The following VGLL4 variants were observed in gnomAD, a reference collection of about 807,000 sequenced individuals.
VGLL4 encodes transcription cofactor vestigial-like protein 4.
Under a neutral mutation model 21.0 loss-of-function variants are expected in VGLL4, and 7 were observed. The observed-to-expected ratio is 0.33, with a 90% CI of 0.19 to 0.63. The LOEUF (loss-of-function observed/expected upper bound fraction) is 0.63, where lower values mean the gene tolerates loss of function less well. VGLL4 is among the 20% of genes least tolerant of loss of function. The pLI, the probability that VGLL4 is intolerant of heterozygous loss-of-function variation, is 0.78. For missense variants in VGLL4, 394 were observed against 425.7 expected (o/e 0.93, Z 0.66); for synonymous variants, 222 against 173.2 (o/e 1.28, Z -2.21).
chr3:11,667,413 G>A (rs2076142132), intron 2 of VGLL4, among the ~76,000 whole-genome samples: 1 of 151,988 alleles, frequency 6.6e-6, no homozygotes, highest in African/African-American at 2.4e-5. Context: ...TTTATATTAC[G>A]TACCTTTATA....
At chr3:11,628,879 A>C (rs990895438) in intron 1 of VGLL4, among the ~76,000 whole-genome samples, 8 of 152,196 alleles carry the variant, frequency 5.3e-5, no homozygotes, top group South Asian at 2.1e-4. Context: ...TTTAAATATG[A>C]GATACTACTT....
At chr3:11,690,818 A>AT (rs1231173537) in intron 2 of VGLL4, among the ~76,000 whole-genome samples, 2 of 152,144 alleles carry the variant, frequency 1.3e-5, no homozygotes, top group Non-Finnish European at 2.9e-5. Flanking sequence ...ATTAAGTTTG[A>AT]TTTTTTCAAG....
At chr3:11,666,107 C>T (rs991393316) in intron 2 of VGLL4, among the ~76,000 whole-genome samples, 1 of 152,102 alleles carries the variant, frequency 6.6e-6, no homozygotes, top group African/African-American at 2.4e-5. Context: ...AAAAAATTAG[C>T]CAGGCATGGT....
intron 2 of VGLL4, among the ~76,000 whole-genome samples, chr3:11,685,798 G>C (rs1470159671): frequency 2.0e-5 from 3 of 152,064 alleles, no homozygotes; most frequent in Non-Finnish European, 4.4e-5. Context: ...GCGGTGGTGA[G>C]CTATGATCAC....
In VGLL4 at chr3:11,568,629, C is replaced by A; in HGVS notation, c.273-3610G>T. The A allele has an allele frequency of 6.4e-7, 1 of 1,569,720 alleles. No homozygotes were observed. Among genetic ancestry groups the A allele is most frequent in the East Asian group, 2.3e-5 (1 of 42,800 alleles). On this transcript the variant is annotated intron_variant, in intron 2 of 4. Transcript: ENST00000430365. The surrounding 1 kb of genome is among the most constrained non-coding windows in gnomAD (Gnocchi z 5.9). ...CATTTCCAGCTCATTTTCCTGGTTCCCGGAGCTTCAAGACAGACATTGTTT... is the reference window on the plus strand; with the variant it reads ...CATTTCCAGCTCATTTTCCTGGTTCACGGAGCTTCAAGACAGACATTGTTT...
intron 1 of VGLL4, among the ~76,000 whole-genome samples, chr3:11,720,090 A>G (rs1420048345): frequency 6.6e-6 from 1 of 151,710 alleles, no homozygotes; most frequent in Non-Finnish European, 1.5e-5. Flanking sequence ...GGGACAGCGC[A>G]CGGGACGCCG....
At chr3:11,578,187 G>C (rs2074110820) in intron 2 of VGLL4, among the ~76,000 whole-genome samples, 1 of 152,234 alleles carries the variant, frequency 6.6e-6, no homozygotes. Flanking sequence ...CAAGATGCCA[G>C]TAGGCACTTC....
chr3:11,631,287 A>T (rs2075471542), intron 1 of VGLL4, among the ~76,000 whole-genome samples: 3 of 152,184 alleles, frequency 2.0e-5, no homozygotes. Context: ...AGTCAGCCCC[A>T]ATCAAAAAGA....
intron 1 of VGLL4, among the ~76,000 whole-genome samples, chr3:11,642,169 A>G (rs2075705119): frequency 6.6e-6 from 1 of 152,226 alleles, no homozygotes; most frequent in Non-Finnish European, 1.5e-5. Context: ...TTAACACATC[A>G]GATGCAAAGA....
Position 11,670,317 on chromosome 3 carries a change from G to A in VGLL4, c.64+32654C>T, listed in dbSNP as rs541721861. On this transcript the variant is annotated intron_variant, in intron 2 of 5. Transcript: ENST00000273038. ...GAAAACCTTTGTCCTAATCCCAAAC[G>A]TTATGACCTCAGGAAAGTACTTCTA... Among the ~76,000 whole-genome samples the A allele has an allele frequency of 1.2e-4, 18 of 152,228 alleles. No individual in the cohort carries two copies. The Middle Eastern group carries it at 0.01, about 86-fold the overall frequency.
At chr3:11,639,290 T>A (rs919089210) in intron 1 of VGLL4, among the ~76,000 whole-genome samples, 1 of 152,198 alleles carries the variant, frequency 6.6e-6, no homozygotes, top group Non-Finnish European at 1.5e-5. Context: ...GGAGCTGGCA[T>A]CCACGCAGGC....
At chr3:11,689,389 C>T (rs1465856881) in intron 2 of VGLL4, among the ~76,000 whole-genome samples, 1 of 152,148 alleles carries the variant, frequency 6.6e-6, no homozygotes, top group Non-Finnish European at 1.5e-5. Context: ...TTCCAGACCG[C>T]TAATTTGGTC....
At chr3:11,613,554 T>G (rs1035095978) in intron 1 of VGLL4, among the ~76,000 whole-genome samples, 4 of 152,200 alleles carry the variant, frequency 2.6e-5, no homozygotes, top group African/African-American at 9.7e-5. Context: ...TCCCGGGTAC[T>G]GTTCTGGGAG....
rs2075740500 is a variant in VGLL4, at chr3:11,643,720, A to G, written c.-202T>C. On this transcript the variant is annotated 5_prime_UTR_variant, in exon 1 of 5. Transcript: ENST00000430365. ...AAATCGAGCTCACACGAAACCCTTC[A>G]AGGGCTTACTGGTAGACGGTGTATG... 12 of 1,408,504 alleles carry G rather than the reference A, an allele frequency of 8.5e-6. No homozygotes were observed. In the South Asian group the frequency reaches 1.7e-4, roughly 20 times the overall value. 87.3% of individuals were successfully genotyped at this position (1,408,504 alleles called of 1,614,324 possible). A position where few individuals can be genotyped will look rare whatever the true frequency, so the allele number is the denominator to read the frequency against.
rs2072546313 is a variant in VGLL4 at position 11,557,465 on chromosome 3, AATG to A, written c.*1088_*1090del. The stretch of plus-strand genomic sequence containing the variant: ...CAAAGCAGACAGGGATGCAAAAATA[AATG>A]ATGTCAGCCTGCAGCCAAACTCCAG... On this transcript the variant is annotated 3_prime_UTR_variant, in exon 5 of 5. Coordinates refer to ENST00000430365, the MANE Select transcript of VGLL4 (RefSeq NM_001128219.3). 1 of 152,514 alleles carries A rather than the reference AATG, an allele frequency of 6.6e-6. No individual in the cohort carries two copies. Among genetic ancestry groups the A allele is most frequent in the South Asian group, 2.1e-4 (1 of 4,834 alleles). 9.4% of individuals were successfully genotyped at this position (152,514 alleles called of 1,614,324 possible). A position where few individuals can be genotyped will look rare whatever the true frequency, so the allele number is the denominator to read the frequency against.
At position 11,559,323 on chromosome 3, in the gene VGLL4, G is replaced by A. The variant is rs2072749744; in HGVS notation, c.619+9C>T. ...AGCTGTGACAGGTGAGGAGGCCCGG[G>A]ACACTCACCGCTCGGTGGCCTCCGG... On this transcript the variant is annotated intron_variant, in intron 4 of 4. Transcript: ENST00000430365. 3.3e-6 allele frequency: 5 copies of A among 1,531,500 alleles called. No homozygotes were observed. The African/African-American group carries it at 4.1e-5, about 13-fold the overall frequency. The allele number at this position is 1,531,500 out of a possible 1,614,324, so 94.9% of individuals were successfully genotyped here.
chr3:11,574,391 G>A (rs1490832214), intron 2 of VGLL4, among the ~76,000 whole-genome samples: 1 of 152,066 alleles, frequency 6.6e-6, no homozygotes, highest in South Asian at 2.1e-4. Context: ...GGCACTGCAC[G>A]AGCACCGCAC....
At chr3:11,643,296 C>G in intron 1 of VGLL4, 141 bp downstream of exon 1, 1 of 1,325,860 alleles carries the variant, frequency 7.5e-7, no homozygotes, top group Non-Finnish European at 1.0e-6. Flanking sequence ...CGGTGCCGAA[C>G]CGAACCTAAG....
chr3:11,628,538 C>A (rs201642435), intron 1 of VGLL4, among the ~76,000 whole-genome samples: 1 of 152,116 alleles, frequency 6.6e-6, no homozygotes, highest in Non-Finnish European at 1.5e-5. Flanking sequence ...TAATCAATCT[C>A]GGCCGGGCGC....
Sources: allele counts gnomAD v4.1 joint callset (sites outside exome capture counted in the v4.1 genomes callset), GRCh38; gene constraint gnomAD v4.1.1; non-coding constraint Gnocchi (gnomAD v3.1); transcripts MANE v1.5; gene names NCBI Gene and HGNC (gene_info 2026-07-23, HGNC 2026-07-21).